Variants in CNTLN observed in about 807,000 individuals in gnomAD.
The protein encoded by CNTLN is centlein, also known as centlein, centrosomal protein.
CNTLN carries 212 observed loss-of-function variants against 180.0 expected under a neutral mutation model. The ratio of observed to expected loss-of-function variants is 1.18; its 90% CI spans 1.05 to 1.32. CNTLN has a LOEUF of 1.32. Among genes scored for constraint, CNTLN ranks in the 40% most tolerant of loss-of-function variants. CNTLN has a pLI of 0.00. For missense variants in CNTLN, 2,095 were observed against 1,610.9 expected, an observed-to-expected ratio of 1.30 and a Z score of -5.14; for synonymous variants, 722 against 563.1, an observed-to-expected ratio of 1.28 and a Z score of -3.99.
intron 6 of CNTLN, among the ~76,000 whole-genome samples, chr9:17,276,806 A>G (rs969378408): frequency 1.1e-4 from 16 of 152,104 alleles, no homozygotes; most frequent in Admixed American, 6.6e-5. Flanking sequence ...AATACAATGT[A>G]AATGCTATAT....
chr9:17,453,599 A>T (rs1013545046), intron 18 of CNTLN, among the ~76,000 whole-genome samples: 40 of 152,192 alleles, frequency 2.6e-4, no homozygotes, highest in Non-Finnish European at 8.8e-5. Flanking sequence ...TCGTTACCTC[A>T]CAGTGTCATT....
At chr9:17,298,953 A>G (rs953016765) in intron 7 of CNTLN, 9 of 984,806 alleles carry the variant, frequency 9.1e-6, no homozygotes, top group Non-Finnish European at 1.1e-5. Context: ...TAAAAAAAAT[A>G]CCTTTATTGG....
the CNTLN span, among the ~76,000 whole-genome samples, chr9:17,519,085 G>T: frequency 6.6e-6 from 1 of 151,126 alleles, no homozygotes. Context: ...ACCAGGCCTA[G>T]TTATTTATTT....
chr9:17,201,744 T>C (rs1318972815), intron 2 of CNTLN, among the ~76,000 whole-genome samples: 1 of 152,136 alleles, frequency 6.6e-6, no homozygotes, highest in East Asian at 1.9e-4. Context: ...ATTATTAGTC[T>C]AGCTAGTGAT....
the CNTLN span, among the ~76,000 whole-genome samples, chr9:17,526,911 G>A: frequency 1.3e-5 from 2 of 151,786 alleles, no homozygotes; most frequent in Admixed American, 6.6e-5. Context: ...GCGGAGTCTC[G>A]CTGTCGCCCA....
At chr9:17,236,373 GTTTTA>G (rs1587280751) in intron 4 of CNTLN, 31 bp from the exon 5 acceptor site, 3 of 1,509,102 alleles carry the variant, frequency 2.0e-6, no homozygotes, top group Non-Finnish European at 1.8e-6. Context: ...GTTTCGTTTT[GTTTTA>G]TTTATTTGCC....
At chr9:17,411,264 C>G (rs1480486281) in intron 16 of CNTLN, among the ~76,000 whole-genome samples, 1 of 152,124 alleles carries the variant, frequency 6.6e-6, no homozygotes, top group Non-Finnish European at 1.5e-5. Context: ...GGATAAAACC[C>G]TTCTTTTAGC....
At chr9:17,308,741 A>G (rs905101122) in intron 7 of CNTLN, among the ~76,000 whole-genome samples, 1 of 151,890 alleles carries the variant, frequency 6.6e-6, no homozygotes, top group Admixed American at 6.6e-5. Context: ...CAGCTAGCTT[A>G]AAGTATTTTC....
chr9:17,219,119 T>C (rs1257677155), intron 2 of CNTLN, among the ~76,000 whole-genome samples: 1 of 152,182 alleles, frequency 6.6e-6, no homozygotes, highest in Non-Finnish European at 1.5e-5. Flanking sequence ...TCATTTTTCA[T>C]TCTAAAGAAG....
intron 18 of CNTLN, among the ~76,000 whole-genome samples, chr9:17,449,547 A>G (rs753216445): frequency 2.0e-5 from 3 of 152,212 alleles, no homozygotes; most frequent in Non-Finnish European, 2.9e-5. Flanking sequence ...CTTAAACAGA[A>G]GATTTGAAAT....
intron 18 of CNTLN, among the ~76,000 whole-genome samples, chr9:17,439,405 T>A (rs1293369520): frequency 6.6e-6 from 1 of 152,146 alleles, no homozygotes. Context: ...TTTAAAAAGT[T>A]AACTTAAAAA....
chr9:17,377,767 C>T (rs1824898473), intron 13 of CNTLN, among the ~76,000 whole-genome samples: 1 of 152,124 alleles, frequency 6.6e-6, no homozygotes, highest in African/African-American at 2.4e-5. Flanking sequence ...GGATGTGTTA[C>T]AGAGAGGTGT....
intron 2 of CNTLN, among the ~76,000 whole-genome samples, chr9:17,219,299 T>C (rs1371506898): frequency 6.6e-6 from 1 of 151,826 alleles, no homozygotes; most frequent in Non-Finnish European, 1.5e-5. Flanking sequence ...AGTACATGTA[T>C]TAATTGAATT....
intron 6 of CNTLN, among the ~76,000 whole-genome samples, chr9:17,291,688 C>T (rs572283147): frequency 6.6e-6 from 1 of 152,098 alleles, no homozygotes. Flanking sequence ...TTATTTTGAG[C>T]CTATGTGTGT....
intron 8 of CNTLN, among the ~76,000 whole-genome samples, chr9:17,314,722 C>T (rs1211304248): frequency 6.6e-6 from 1 of 152,132 alleles, no homozygotes; most frequent in Admixed American, 6.5e-5. Flanking sequence ...TTCCATTTTC[C>T]AACTATCAGT....
At position 17,446,004 on chromosome 9, in the gene CNTLN, G is replaced by A. The variant is rs150657644; in HGVS notation, c.3115-11520G>A. On this transcript the variant is annotated intron_variant, in intron 18 of 25. Transcript: ENST00000380647. ...TTGTAAAGCATTGAGCTGTTTATGT[G>A]TATGCATATCTAAAAGCACAGCACT... 9.5e-3 allele frequency among the ~76,000 whole-genome samples: 1,444 copies of A among 152,290 alleles called. 23 individuals carry two copies. The highest frequency in any genetic ancestry group is 0.032 in the African/African-American group (1,349 of 41,554).
rs76481822 is a variant in CNTLN, at chr9:17,371,097, A to G, written c.1987+4380A>G. Among the ~76,000 whole-genome samples, 984 of 152,274 alleles carry G rather than the reference A, an allele frequency of 6.5e-3. 12 individuals carry two copies. Among genetic ancestry groups the G allele is most frequent in the African/African-American group, 0.022 (932 of 41,568 alleles). ...CCACAAAATAACCAGGAAACCAACAACAAAATGGTAGGAGTAAGTTCTTAC... is the reference window on the plus strand; with the variant it reads ...CCACAAAATAACCAGGAAACCAACAGCAAAATGGTAGGAGTAAGTTCTTAC... On this transcript the variant is annotated intron_variant, in intron 13 of 25. Coordinates refer to ENST00000380647, the MANE Select transcript of CNTLN (RefSeq NM_017738.4).
At chr9:17,463,676 T>C (rs1007151680) in intron 20 of CNTLN, among the ~76,000 whole-genome samples, 14 of 151,712 alleles carry the variant, frequency 9.2e-5, no homozygotes, top group African/African-American at 3.4e-4. Context: ...ACAAAAAGCT[T>C]GGTTAATTTT....
chr9:17,215,016 G>C (rs1211146620), intron 2 of CNTLN, among the ~76,000 whole-genome samples: 1 of 152,150 alleles, frequency 6.6e-6, no homozygotes, highest in African/African-American at 2.4e-5. Flanking sequence ...CTTTAGCTGG[G>C]AGAAGTTTGA....
Sources: allele counts gnomAD v4.1 joint callset (sites outside exome capture counted in the v4.1 genomes callset), GRCh38; gene constraint gnomAD v4.1.1; transcripts MANE v1.5; gene names NCBI Gene and HGNC (gene_info 2026-07-23, HGNC 2026-07-21).